The following HPGDS variants were observed in gnomAD, a reference collection of about 807,000 sequenced individuals.
The protein encoded by HPGDS is GST class-sigma.
HPGDS carries 26 observed loss-of-function variants against 23.1 expected under a neutral mutation model. That is an observed-to-expected ratio of 1.13 (90% CI 0.83 to 1.56). The LOEUF (loss-of-function observed/expected upper bound fraction) is 1.56, where lower values mean the gene tolerates loss of function less well. Ranked by LOEUF, HPGDS falls within the 40% of genes most tolerant of loss-of-function variation. The probability of loss-of-function intolerance (pLI) is 0.00; values close to 1 mark genes in which losing one functional copy is unlikely to be tolerated. For missense variants in HPGDS, 268 were observed against 236.4 expected, an observed-to-expected ratio of 1.13 and a Z score of -0.88; for synonymous variants, 95 against 77.9, an observed-to-expected ratio of 1.22 and a Z score of -1.16.
At chr4:94,340,059 A>G (rs747378284) in intron 1 of HPGDS, among the ~76,000 whole-genome samples, 16 of 151,742 alleles carry the variant, frequency 1.1e-4, no homozygotes, top group Non-Finnish European at 2.1e-4. Flanking sequence ...TCAAGCGATT[A>G]TCCTGCCTCA....
At chr4:94,335,572 C>T (rs1720988245) in intron 1 of HPGDS, among the ~76,000 whole-genome samples, 1 of 152,064 alleles carries the variant, frequency 6.6e-6, no homozygotes, top group Non-Finnish European at 1.5e-5. Context: ...ATTTCAAAGA[C>T]CACTTTTTAT....
At chr4:94,306,860 G>C (rs189944924) in intron 4 of HPGDS, among the ~76,000 whole-genome samples, 1 of 152,074 alleles carries the variant, frequency 6.6e-6, no homozygotes, top group Admixed American at 6.6e-5. Context: ...AGAAAATAAA[G>C]GGGGAGGAAA....
At position 94,304,696 on chromosome 4, in the gene HPGDS, C is replaced by T. The variant is rs572330594; in HGVS notation, c.337-2452G>A. On this transcript the variant is annotated intron_variant, in intron 4 of 5. Coordinates refer to ENST00000295256, the MANE Select transcript of HPGDS (RefSeq NM_014485.3). ...ATAGCTATCAGCAATGTTTCTGCAA[C>T]GTGTTCTGCCTTTGTATGATTTAAT... is the stretch of plus-strand genomic sequence containing the variant. 1.8e-3 allele frequency among the ~76,000 whole-genome samples: 272 copies of T among 152,170 alleles called. 1 individual carries two copies. The Middle Eastern group carries it at 0.02, about 11-fold the overall frequency.
intron 3 of HPGDS, among the ~76,000 whole-genome samples, chr4:94,313,544 G>A (rs1479287234): frequency 2.0e-5 from 3 of 152,180 alleles, no homozygotes; most frequent in Non-Finnish European, 4.4e-5. Flanking sequence ...TGGGTAACCC[G>A]ACCTTTCTCT....
intron 5 of HPGDS, 72 bp downstream of exon 5, chr4:94,302,074 A>T (rs1340625257): frequency 2.7e-6 from 3 of 1,125,074 alleles, no homozygotes; most frequent in Non-Finnish European, 3.9e-6. Context: ...ACTTTTTTTC[A>T]GTAAGTTTTT....
rs546720763 is a variant in HPGDS at position 94,327,458 on chromosome 4, G to A, written c.133+7039C>T. On this transcript the variant is annotated intron_variant, in intron 2 of 5. Coordinates refer to ENST00000295256, the MANE Select transcript of HPGDS (RefSeq NM_014485.3). The stretch of plus-strand genomic sequence containing the variant: ...TGGGTGCCAGTGGCAGTGGTAGTGG[G>A]TGGGGTGGGCTGGTCCTCAGGCATG... Among the ~76,000 whole-genome samples, 12 of 152,218 alleles carry A rather than the reference G, an allele frequency of 7.9e-5. No individual in the cohort carries two copies. The South Asian group carries it at 2.3e-3, about 29-fold the overall frequency.
At chr4:94,301,425 CTTTCT>C (rs777297102) in intron 5 of HPGDS, among the ~76,000 whole-genome samples, 2 of 152,106 alleles carry the variant, frequency 1.3e-5, no homozygotes, top group Non-Finnish European at 2.9e-5. Flanking sequence ...TTCAGTCTTT[CTTTCT>C]TATCTATTAA....
chr4:94,334,823 G>C (rs1720962126), intron 1 of HPGDS, among the ~76,000 whole-genome samples, 185 bp from the exon 2 acceptor site: 1 of 152,130 alleles, frequency 6.6e-6, no homozygotes, highest in Admixed American at 6.5e-5. Flanking sequence ...GTTGAAATCA[G>C]ATCATGACTC....
chr4:94,308,094 A>G (rs1456851439), intron 4 of HPGDS, among the ~76,000 whole-genome samples: 6 of 152,174 alleles, frequency 3.9e-5, no homozygotes, highest in African/African-American at 1.4e-4. Flanking sequence ...TGGGGCCTAA[A>G]TCTAAAAACC....
At chr4:94,322,725 G>A (rs986205687) in intron 2 of HPGDS, among the ~76,000 whole-genome samples, 13 of 151,718 alleles carry the variant, frequency 8.6e-5, no homozygotes, top group Middle Eastern at 3.4e-3. Context: ...TCCTGGGTTC[G>A]CTGATTTTTT....
At chr4:94,335,679 G>A (rs1720994500) in intron 1 of HPGDS, among the ~76,000 whole-genome samples, 1 of 152,116 alleles carries the variant, frequency 6.6e-6, no homozygotes, top group South Asian at 2.1e-4. Context: ...CAGTAATAAT[G>A]ACTTTGATCT....
intron 3 of HPGDS, among the ~76,000 whole-genome samples, chr4:94,313,987 A>T (rs1285861488): frequency 6.6e-6 from 1 of 152,192 alleles, no homozygotes; most frequent in Non-Finnish European, 1.5e-5. Flanking sequence ...TTTCAGCTCC[A>T]TCAGGTCCTT....
chr4:94,315,615 G>T (rs1756381223), intron 3 of HPGDS, among the ~76,000 whole-genome samples: 1 of 152,010 alleles, frequency 6.6e-6, no homozygotes, highest in Non-Finnish European at 1.5e-5. Context: ...GATTGCTTTT[G>T]TAAAACTGTA....
intron 2 of HPGDS, among the ~76,000 whole-genome samples, chr4:94,320,841 C>A (rs1264850482): frequency 6.6e-6 from 1 of 152,134 alleles, no homozygotes; most frequent in Non-Finnish European, 1.5e-5. Context: ...CTTGCCCATG[C>A]CTATGTCCTG....
intron 2 of HPGDS, among the ~76,000 whole-genome samples, chr4:94,326,361 A>G (rs1268648969): frequency 3.3e-5 from 5 of 152,100 alleles, no homozygotes; most frequent in East Asian, 1.9e-4. Context: ...TGGGTGCTTT[A>G]TGGTTTCCCA....
intron 1 of HPGDS, among the ~76,000 whole-genome samples, chr4:94,335,799 G>T (rs899697027): frequency 6.6e-6 from 1 of 152,164 alleles, no homozygotes; most frequent in Non-Finnish European, 1.5e-5. Context: ...ATTTAAAGTG[G>T]TGAGTTTAAA....
At chr4:94,320,478 A>C (rs1756480863) in intron 2 of HPGDS, among the ~76,000 whole-genome samples, 2 of 151,996 alleles carry the variant, frequency 1.3e-5, no homozygotes, top group Admixed American at 1.3e-4. Flanking sequence ...ATGGTATCTC[A>C]CCATGGTTTT....
At chr4:94,339,577 C>T (rs1721092625) in intron 1 of HPGDS, among the ~76,000 whole-genome samples, 1 of 152,174 alleles carries the variant, frequency 6.6e-6, no homozygotes, top group South Asian at 2.1e-4. Flanking sequence ...CTATCCACTG[C>T]AGAAGATTTA....
chr4:94,337,042 G>A (rs1045532576), intron 1 of HPGDS, among the ~76,000 whole-genome samples: 3 of 152,138 alleles, frequency 2.0e-5, no homozygotes, highest in Non-Finnish European at 4.4e-5. Context: ...TGGGCTCACT[G>A]CAACCTCCGC....
Sources: allele counts gnomAD v4.1 joint callset (sites outside exome capture counted in the v4.1 genomes callset), GRCh38; gene constraint gnomAD v4.1.1; transcripts MANE v1.5; gene names NCBI Gene and HGNC (gene_info 2026-07-23, HGNC 2026-07-21).